DIAPH3: variants seen among roughly 807,000 people sequenced by gnomAD.
DIAPH3 encodes diaphanous related formin 3, also known as protein diaphanous homolog 3.
Under a neutral mutation model 144.3 loss-of-function variants are expected in DIAPH3, and 117 were observed. That is an observed-to-expected ratio of 0.81 (90% CI 0.70 to 0.95). The LOEUF is 0.95. DIAPH3 is among the 40% of genes least tolerant of loss of function. DIAPH3 has a pLI of 0.00. For synonymous variants in DIAPH3, 519 were observed against 488.9 expected, an observed-to-expected ratio of 1.06 and a Z score of -0.81; for missense variants, 1,421 against 1,412.7, an observed-to-expected ratio of 1.01 and a Z score of -0.09.
intron 17 of DIAPH3, among the ~76,000 whole-genome samples, chr13:59,964,032 C>T (rs1408527117): frequency 4.6e-5 from 7 of 152,080 alleles, no homozygotes; most frequent in Non-Finnish European, 7.4e-5. Context: ...TTTAAGCAAT[C>T]GGAGGGCAAC....
chr13:59,791,838 C>T (rs750277348), intron 25 of DIAPH3, among the ~76,000 whole-genome samples: 39 of 152,100 alleles, frequency 2.6e-4, no homozygotes, highest in Non-Finnish European at 5.3e-4. Flanking sequence ...AGACCAGAAA[C>T]ACTCCTCCTC....
At chr13:59,710,292 A>G (rs2034666837) in intron 27 of DIAPH3, among the ~76,000 whole-genome samples, 1 of 151,454 alleles carries the variant, frequency 6.6e-6, no homozygotes, top group Non-Finnish European at 1.5e-5. Context: ...AAAAAAAAAA[A>G]GAAAAGTGCT....
intron 20 of DIAPH3, among the ~76,000 whole-genome samples, chr13:59,901,206 T>C (rs898715505): frequency 3.3e-5 from 5 of 152,342 alleles, no homozygotes; most frequent in Middle Eastern, 3.4e-3. Context: ...TGTTAATAAC[T>C]CACTAACGGC....
chr13:59,953,700 T>A (rs901536452), intron 17 of DIAPH3, among the ~76,000 whole-genome samples: 3 of 151,532 alleles, frequency 2.0e-5, no homozygotes, highest in African/African-American at 7.3e-5. Flanking sequence ...AAGGAGAAAA[T>A]AGCTAGATAC....
At chr13:59,841,999 T>C (rs2042377103) in intron 22 of DIAPH3, among the ~76,000 whole-genome samples, 1 of 152,094 alleles carries the variant, frequency 6.6e-6, no homozygotes, top group Non-Finnish European at 1.5e-5. Context: ...TATATATAAA[T>C]TATTATAGAA....
At chr13:59,760,597 G>T (rs1468224585) in intron 27 of DIAPH3, among the ~76,000 whole-genome samples, 2 of 152,120 alleles carry the variant, frequency 1.3e-5, no homozygotes, top group Non-Finnish European at 2.9e-5. Context: ...GGACTTCGTT[G>T]TTATTTGCAT....
intron 25 of DIAPH3, among the ~76,000 whole-genome samples, chr13:59,775,472 G>A (rs1048942130): frequency 2.0e-5 from 3 of 152,152 alleles, no homozygotes; most frequent in Non-Finnish European, 4.4e-5. Context: ...TCCATCTCCT[G>A]ACCTCATGAT....
At chr13:60,008,480 C>A (rs958610879) in intron 9 of DIAPH3, 64 bp downstream of exon 9, 31 of 1,054,166 alleles carry the variant, frequency 2.9e-5, no homozygotes, top group Non-Finnish European at 5.9e-6. Context: ...ATAAACCAAT[C>A]ATAAAACCGT....
At chr13:60,033,549 A>G (rs752174987) in intron 5 of DIAPH3, among the ~76,000 whole-genome samples, 27 of 152,152 alleles carry the variant, frequency 1.8e-4, no homozygotes, top group Non-Finnish European at 3.4e-4. Flanking sequence ...TGAGACCAGG[A>G]GCAAGAAAGA....
At chr13:59,855,412 C>T (rs1390285617) in intron 22 of DIAPH3, among the ~76,000 whole-genome samples, 1 of 151,750 alleles carries the variant, frequency 6.6e-6, no homozygotes, top group Non-Finnish European at 1.5e-5. Flanking sequence ...TATATGCAAA[C>T]ATATATAAAT....
At chr13:59,957,256 TG>T (rs942424935) in intron 17 of DIAPH3, among the ~76,000 whole-genome samples, 22 of 152,186 alleles carry the variant, frequency 1.4e-4, no homozygotes, top group Non-Finnish European at 3.2e-4. Flanking sequence ...TATCTTGAAT[TG>T]TAACTCTCAT....
chr13:59,919,244 C>A (rs2047395341), intron 18 of DIAPH3, among the ~76,000 whole-genome samples: 2 of 151,964 alleles, frequency 1.3e-5, no homozygotes, highest in Admixed American at 6.6e-5. Flanking sequence ...TTGTAGAAAA[C>A]TTATTTTAAA....
chr13:59,910,081 A>G (rs902647652), intron 20 of DIAPH3, among the ~76,000 whole-genome samples: 7 of 152,326 alleles, frequency 4.6e-5, no homozygotes, highest in Admixed American at 2.6e-4. Flanking sequence ...AGACATTTTC[A>G]TATAACCTTG....
intron 23 of DIAPH3, chr13:59,838,930 GAAA>G (rs2042185470): frequency 5.3e-6 from 1 of 187,300 alleles, no homozygotes; most frequent in Non-Finnish European, 1.1e-5. Context: ...CGAATATGGT[GAAA>G]CCCTGTCTCT....
At chr13:59,928,142 A>T (rs1351003244) in intron 17 of DIAPH3, among the ~76,000 whole-genome samples, 1 of 152,104 alleles carries the variant, frequency 6.6e-6, no homozygotes, top group South Asian at 2.1e-4. Context: ...CTCAGAAATT[A>T]TTTCTTGTCC....
intron 20 of DIAPH3, among the ~76,000 whole-genome samples, chr13:59,906,388 C>A (rs1189290877): frequency 6.6e-6 from 1 of 152,038 alleles, no homozygotes; most frequent in Non-Finnish European, 1.5e-5. Context: ...ATTAGAAGTA[C>A]AACAGATTGT....
chr13:59,888,168 TG>T (rs985948494), intron 20 of DIAPH3, among the ~76,000 whole-genome samples: 4 of 151,994 alleles, frequency 2.6e-5, no homozygotes, highest in South Asian at 2.1e-4. Context: ...ATGGGGCCTT[TG>T]GGGGTGATTG....
At chr13:59,886,349 T>TTG (rs1369854891) in intron 20 of DIAPH3, among the ~76,000 whole-genome samples, 1 of 152,116 alleles carries the variant, frequency 6.6e-6, no homozygotes, top group Non-Finnish European at 1.5e-5. Context: ...GAAAGCTTAG[T>TTG]TGTATATCCT....
chr13:59,909,255 G>A (rs553264427), intron 20 of DIAPH3, among the ~76,000 whole-genome samples: 161 of 151,750 alleles, frequency 1.1e-3, no homozygotes, highest in African/African-American at 3.7e-3. Context: ...TCATTCTTTA[G>A]TAAGTTAGCA....
Sources: allele counts gnomAD v4.1 joint callset (sites outside exome capture counted in the v4.1 genomes callset), GRCh38; gene constraint gnomAD v4.1.1; transcripts MANE v1.5; gene names NCBI Gene and HGNC (gene_info 2026-07-23, HGNC 2026-07-21).